TMEM234: variants seen among roughly 807,000 people sequenced by gnomAD.
TMEM234 encodes transmembrane protein 234.
Under a neutral mutation model 17.8 loss-of-function variants are expected in TMEM234, and 21 were observed. The observed-to-expected ratio is 1.18, with a 90% CI of 0.84 to 1.70. TMEM234 has a LOEUF of 1.70. Ranked by LOEUF, TMEM234 falls within the 40% of genes most tolerant of loss-of-function variation. TMEM234 has a pLI of 0.00. For synonymous variants in TMEM234, 83 were observed against 73.5 expected (o/e 1.13, Z -0.66); for missense variants, 137 against 166.9 (o/e 0.82, Z 0.99).
downstream of TMEM234, chr1:32,215,624 C>T (rs979085900): frequency 1.5e-6 from 2 of 1,316,104 alleles, no homozygotes; most frequent in African/African-American, 1.5e-5. Flanking sequence ...GCCCCAGGAA[C>T]AGTTCTCCTC....
rs539638853 is a variant in TMEM234, at chr1:32,217,087, G to A, written c.329-140C>T. 7.9e-5 allele frequency: 124 copies of A among 1,565,440 alleles called. 2 individuals carry two copies. In the South Asian group the frequency reaches 1.3e-3, roughly 16 times the overall value. ...CTCTGTCTTTCTCCAGACTGTCCAGGGGAAGGGAACTCTGATGGCCACAAG... is the reference window on the plus strand; with the variant it reads ...CTCTGTCTTTCTCCAGACTGTCCAGAGGAAGGGAACTCTGATGGCCACAAG... On this transcript the variant is annotated intron_variant, in intron 4 of 4. Coordinates refer to ENST00000309777, the MANE Select transcript of TMEM234 (RefSeq NM_019118.5).
At position 32,221,138 on chromosome 1, in the gene TMEM234, T is replaced by C; in HGVS notation, c.228A>G (p.Ala76=). The C allele has an allele frequency of 3.1e-6, 5 of 1,613,496 alleles. No homozygotes were observed. The highest frequency in any genetic ancestry group is 4.2e-6 in the Non-Finnish European group (5 of 1,179,794). The change falls in exon 3 of 5, where the codon GCA becomes GCG. Residue 76 remains alanine (A), a synonymous_variant. Coordinates refer to ENST00000309777, the MANE Select transcript of TMEM234 (RefSeq NM_019118.5). The part of the protein sequence containing the change: ...CGSLLYYLTL[A]STDLTLAVPI... ...TTCCAAGCCAGGACCCACCTGTCGA[T>C]GCCAAGGTGAGGTAATAGAGAAGGG...
In TMEM234 at chr1:32,217,427, C is replaced by A. The variant is rs142981352; in HGVS notation, c.236-76G>T. On this transcript the variant is annotated intron_variant, in intron 3 of 4. Transcript: ENST00000309777. Reference sequence around the variant, plus strand: ...AGGCACAAAACACTTCCATCATCATCATTTCATACCTTTAAAAAAGGTATC... The same window carrying A: ...AGGCACAAAACACTTCCATCATCATAATTTCATACCTTTAAAAAAGGTATC... 168 of 1,582,114 alleles carry A rather than the reference C, an allele frequency of 1.1e-4. 2 individuals are homozygous for A. In the African/African-American group the frequency reaches 2.1e-3, roughly 20 times the overall value.
chr1:32,220,261 C>T (rs1638772580), intron 3 of TMEM234, among the ~76,000 whole-genome samples: 1 of 152,192 alleles, frequency 6.6e-6, no homozygotes, highest in Non-Finnish European at 1.5e-5. Flanking sequence ...ACTGCAACCT[C>T]CGCCTCCCAG....
At chr1:32,215,499 G>A, downstream of TMEM234, 6 of 1,613,812 alleles carry the variant, frequency 3.7e-6, no homozygotes, top group Non-Finnish European at 5.1e-6. Flanking sequence ...GGCCCTGGAA[G>A]TAGCAGATGA....
rs562144270 is a variant in TMEM234, at chr1:32,216,379, C to G, written c.*474G>C. ...TCATTTCCTGCATCTGCCACTCCGACGCACCTTCTTCCCTCGGTTCCACCC... is the reference window on the plus strand; with the variant it reads ...TCATTTCCTGCATCTGCCACTCCGAGGCACCTTCTTCCCTCGGTTCCACCC... On this transcript the variant is annotated 3_prime_UTR_variant, in exon 5 of 5. Transcript: ENST00000309777. 2 of 1,550,878 alleles carry G rather than the reference C, an allele frequency of 1.3e-6. No homozygotes were observed. Among genetic ancestry groups the G allele is most frequent in the Non-Finnish European group, 1.7e-6 (2 of 1,146,516 alleles).
chr1:32,220,477 G>C (rs1303386696), intron 3 of TMEM234, among the ~76,000 whole-genome samples: 2 of 152,048 alleles, frequency 1.3e-5, no homozygotes, highest in African/African-American at 4.8e-5. Flanking sequence ...ATGCCCAGTC[G>C]AGCATAAACT....
chr1:32,216,244 G>A lies in TMEM234; in HGVS notation c.*609C>T. 7.5e-7 allele frequency: 1 copy of A among 1,330,460 alleles called. No homozygotes were observed. Among genetic ancestry groups the A allele is most frequent in the Non-Finnish European group, 1.0e-6 (1 of 991,200 alleles). 82.4% of individuals were successfully genotyped at this position (1,330,460 alleles called of 1,614,324 possible). ...TTGACAGCTACTACTCGCCAGGTGTGCTGGAGTCAGGTGGGGCTGGGGCTC... is the reference window on the plus strand; with the variant it reads ...TTGACAGCTACTACTCGCCAGGTGTACTGGAGTCAGGTGGGGCTGGGGCTC... On this transcript the variant is annotated 3_prime_UTR_variant, in exon 5 of 5. Coordinates refer to ENST00000309777, the MANE Select transcript of TMEM234 (RefSeq NM_019118.5).
chr1:32,221,778 T>C, intron 2 of TMEM234, 89 bp downstream of exon 2: 1 of 1,541,932 alleles, frequency 6.5e-7, no homozygotes, highest in Non-Finnish European at 8.8e-7. Flanking sequence ...AGTGAGTAAG[T>C]GGTGGGGCTG....
rs776350773 is a variant in TMEM234 at position 32,216,377 on chromosome 1, G to A, written c.*476C>T. ...GCTCATTTCCTGCATCTGCCACTCC[G>A]ACGCACCTTCTTCCCTCGGTTCCAC... On this transcript the variant is annotated 3_prime_UTR_variant, in exon 5 of 5. Transcript: ENST00000309777. 38 of 1,550,580 alleles carry A rather than the reference G, an allele frequency of 2.5e-5. No individual in the cohort carries two copies. In the African/African-American group the frequency reaches 4.1e-4, roughly 17 times the overall value.
Position 32,221,990 on chromosome 1 carries a change from G to A in TMEM234, c.45C>T (p.Ala15=). Residue 15 remains alanine (A), a synonymous_variant, in exon 2 of 5, where the codon GCC becomes GCT. Transcript: ENST00000309777. ...LGQVLALVLV[A]ALWGGTQPLL... is the part of the protein sequence containing the mutation. Reference sequence around the variant, plus strand: ...GCGGCTGCGTGCCACCCCACAGAGCGGCCACCAGCACCAGAGCCAACACCT... The same window carrying A: ...GCGGCTGCGTGCCACCCCACAGAGCAGCCACCAGCACCAGAGCCAACACCT... The A allele has an allele frequency of 6.2e-7, 1 of 1,612,306 alleles. No homozygotes were observed.
intron 3 of TMEM234, among the ~76,000 whole-genome samples, chr1:32,219,959 C>T (rs1638745058): frequency 6.6e-6 from 1 of 152,120 alleles, no homozygotes; most frequent in African/African-American, 2.4e-5. Context: ...GTGGATGCTT[C>T]ATAAATAGTT....
downstream of TMEM234, chr1:32,214,903 G>GCAA (rs767767584): frequency 5.6e-6 from 9 of 1,613,972 alleles, no homozygotes; most frequent in South Asian, 9.9e-5. Context: ...CAGCCAAGAA[G>GCAA]CAAGCTCCCC....
intron 3 of TMEM234, among the ~76,000 whole-genome samples, chr1:32,217,841 G>A (rs1221854995): frequency 6.6e-6 from 1 of 152,202 alleles, no homozygotes. Context: ...ATAAACTAAG[G>A]CAAGTTGAGG....
chr1:32,221,542 T>C (rs1018695059), intron 2 of TMEM234, among the ~76,000 whole-genome samples: 8 of 152,114 alleles, frequency 5.3e-5, no homozygotes, highest in Admixed American at 3.3e-4. Context: ...GCCCTCCCTC[T>C]GGAAAGGCTC....
chr1:32,216,065 C>T, downstream of TMEM234: 3 of 719,700 alleles, frequency 4.2e-6, no homozygotes, highest in Middle Eastern at 3.8e-4. Flanking sequence ...ACAGCCCAGC[C>T]TTCCCTTCCT....
chr1:32,218,426 C>T (rs1257896063), intron 3 of TMEM234, among the ~76,000 whole-genome samples: 1 of 143,916 alleles, frequency 6.9e-6, no homozygotes, highest in Non-Finnish European at 1.5e-5. Flanking sequence ...AACTCTGTCT[C>T]AAAAAAAAAA....
chr1:32,214,624 G>A, downstream of TMEM234: 1 of 879,150 alleles, frequency 1.1e-6, no homozygotes, highest in Non-Finnish European at 1.7e-6. Flanking sequence ...CCCTGGATAA[G>A]TCAGGCTGGT....
intron 3 of TMEM234, among the ~76,000 whole-genome samples, chr1:32,219,541 C>T (rs1638704429): frequency 6.6e-6 from 1 of 152,084 alleles, no homozygotes. Flanking sequence ...TACAGGCACA[C>T]ACCACCAAGC....
Sources: gnomAD v4.1 joint callset for allele counts (sites outside exome capture counted in the v4.1 genomes callset) on GRCh38, gnomAD v4.1.1 for gene constraint, MANE v1.5 for transcripts, NCBI Gene and HGNC (gene_info 2026-07-23, HGNC 2026-07-21) for gene names.